BCR: variants seen among roughly 807,000 people sequenced by gnomAD.
BCR encodes BCR activator of RhoGEF and GTPase, also known as breakpoint cluster region protein.
A neutral mutation model predicts 138.6 loss-of-function variants in BCR; 58 were observed. The ratio of observed to expected loss-of-function variants is 0.42; its 90% CI spans 0.34 to 0.52. BCR has a LOEUF of 0.52. Among genes scored for constraint, BCR ranks in the 20% least tolerant of loss-of-function variants. The pLI is 0.06. For synonymous variants in BCR, 786 were observed against 730.1 expected, an observed-to-expected ratio of 1.08 and a Z score of -1.23; for missense variants, 1,599 against 1,727.2, an observed-to-expected ratio of 0.93 and a Z score of 1.32.
rs1170620195 is a variant in BCR at position 23,261,005 on chromosome 22, T to A, written c.1517T>A (p.Ile506Asn). 6.2e-7 allele frequency: 1 copy of A among 1,613,946 alleles called. No individual in the cohort carries two copies. The change falls in exon 3 of 23, where the codon ATC (isoleucine) becomes AAC (asparagine). Residue 506 changes from isoleucine to asparagine, a missense_variant. By Grantham distance (149) the Ile-to-Asn change is moderately radical (BLOSUM62 -3). This residue lies in a region of BCR where 590 missense variants were observed against 762.4 expected (regional missense o/e 0.77). Transcript: ENST00000305877. ...LEMRKWVLSG[I>N]LASEETYLSH... is the part of the protein sequence containing the mutation. ...ATGAGAAAATGGGTCCTGTCGGGAA[T>A]CCTGGCTAGCGAGGAGACTTACCTG...
rs2073509069 is a variant in BCR, at chr22:23,271,523, TC to T, written c.1861-8del. Reference sequence around the variant, plus strand: ...TCATCTGTGTGAACATGCGCTTTTCTCTCTGCAGAACCTGAGAGCCAGAAGC... The same window carrying T: ...TCATCTGTGTGAACATGCGCTTTTCTTCTGCAGAACCTGAGAGCCAGAAGC... On this transcript the variant is annotated splice_region_variant and splice_polypyrimidine_tract_variant and intron_variant, in intron 5 of 22. Coordinates refer to ENST00000305877, the MANE Select transcript of BCR (RefSeq NM_004327.4). 6.2e-7 allele frequency: 1 copy of T among 1,613,860 alleles called. No individual in the cohort carries two copies. Among genetic ancestry groups the T allele is most frequent in the Non-Finnish European group, 8.5e-7 (1 of 1,179,936 alleles).
At chr22:23,223,625 T>A (rs1160993951) in intron 1 of BCR, among the ~76,000 whole-genome samples, 2 of 152,158 alleles carry the variant, frequency 1.3e-5, no homozygotes, top group African/African-American at 4.8e-5. Flanking sequence ...GGAGGAGGGC[T>A]CAGGCAGGCA....
chr22:23,202,721 T>TGTGTG (rs369930434), intron 1 of BCR, among the ~76,000 whole-genome samples: 41 of 142,864 alleles, frequency 2.9e-4, no homozygotes, highest in African/African-American at 9.7e-4. Context: ...ATTCAATTGT[T>TGTGTG]TGTGTGTGTG....
chr22:23,308,487 A>G (rs1236380150), intron 16 of BCR, among the ~76,000 whole-genome samples: 1 of 152,034 alleles, frequency 6.6e-6, no homozygotes, highest in African/African-American at 2.4e-5. Flanking sequence ...TTGTATTTTT[A>G]GTAGGGACAG....
chr22:23,287,022 C>T (rs747021071), intron 10 of BCR, 137 bp from the exon 11 acceptor site: 47 of 1,444,946 alleles, frequency 3.3e-5, no homozygotes, highest in Non-Finnish European at 4.3e-5. Flanking sequence ...GTCTGGGGCC[C>T]TGGTCTGTGC....
At chr22:23,209,506 T>C (rs568524581) in intron 1 of BCR, among the ~76,000 whole-genome samples, 4 of 152,198 alleles carry the variant, frequency 2.6e-5, no homozygotes, top group Non-Finnish European at 4.4e-5. Context: ...AACATGGGTG[T>C]ACAAATTTCG....
At chr22:23,283,887 T>G (rs1038342477) in intron 8 of BCR, 90 bp from the exon 9 acceptor site, 7 of 1,439,108 alleles carry the variant, frequency 4.9e-6, no homozygotes, top group Non-Finnish European at 6.4e-6. Flanking sequence ...TGTCTCTGGG[T>G]CAACCTGCTC....
At position 23,181,492 on chromosome 22, in the gene BCR, G is replaced by A. The variant is rs1451696725; in HGVS notation, c.532G>A (p.Val178Met). ...PGADAEKPFY[V>M]NVEFHHERGL... ...GGCGGACGCCGAGAAGCCCTTCTAC[G>A]TGAACGTCGAGTTTCACCACGAGCG... is the stretch of plus-strand genomic sequence containing the variant. Residue 178 changes from valine to methionine, a missense_variant, in exon 1 of 23, where the codon GTG becomes ATG. Val to Met is a conservative substitution (Grantham distance 21). Coordinates refer to ENST00000305877, the MANE Select transcript of BCR (RefSeq NM_004327.4). 7 of 1,611,916 alleles carry A rather than the reference G, an allele frequency of 4.3e-6. No individual in the cohort carries two copies. The highest frequency in any genetic ancestry group is 3.3e-5 in the Admixed American group (2 of 59,994).
chr22:23,216,569 T>A (rs1194298391), intron 1 of BCR, among the ~76,000 whole-genome samples: 1 of 152,254 alleles, frequency 6.6e-6, no homozygotes, highest in Non-Finnish European at 1.5e-5. Context: ...CAAAGTGTGA[T>A]GATTTGTATC....
intron 1 of BCR, among the ~76,000 whole-genome samples, chr22:23,200,861 A>AGG (rs2072545299): frequency 6.6e-6 from 1 of 152,158 alleles, no homozygotes. Context: ...TGCCTGGCCA[A>AGG]GGGGGCTTTT....
At chr22:23,219,362 C>T (rs1007777084) in intron 1 of BCR, among the ~76,000 whole-genome samples, 5 of 152,186 alleles carry the variant, frequency 3.3e-5, no homozygotes, top group African/African-American at 4.8e-5. Flanking sequence ...AGCCTCCCCC[C>T]GGATCCCAAG....
intron 1 of BCR, among the ~76,000 whole-genome samples, chr22:23,252,117 C>T (rs574457088): frequency 1.3e-5 from 2 of 152,302 alleles, no homozygotes; most frequent in Admixed American, 6.5e-5. Context: ...TGTCCTCCTG[C>T]GGGTACTCAC....
Position 23,253,898 on chromosome 22 carries a change from C to T in BCR, c.1379C>T (p.Pro460Leu), listed in dbSNP as rs761911300. 1.2e-6 allele frequency: 2 copies of T among 1,613,218 alleles called. No individual in the cohort carries two copies. Among genetic ancestry groups the T allele is most frequent in the East Asian group, 2.2e-5 (1 of 44,848 alleles). Residue 460 changes from proline (P) to leucine (L), a missense_variant, in exon 2 of 23, where the codon CCC (proline) becomes CTC (leucine). Around this residue, in one of 4 missense-constraint regions of BCR, gnomAD observed 590 missense variants for 762.4 expected, o/e 0.77. Coordinates refer to ENST00000305877, the MANE Select transcript of BCR (RefSeq NM_004327.4). Reference protein sequence around the residue: ...QDGLPYIDDSPSSSPHLSSKG... With the variant: ...QDGLPYIDDSLSSSPHLSSKG... ...GGGCTGCCCTACATTGATGACTCGC[C>T]CTCCTCATCGCCCCACCTCAGCAGC...
intron 16 of BCR, among the ~76,000 whole-genome samples, chr22:23,302,078 C>T (rs1195026320): frequency 6.6e-6 from 1 of 152,144 alleles, no homozygotes; most frequent in African/African-American, 2.4e-5. Flanking sequence ...TCTAGAGCCC[C>T]CCCACCGCCA....
chr22:23,187,077 G>A (rs936949014), intron 1 of BCR, among the ~76,000 whole-genome samples: 2 of 152,092 alleles, frequency 1.3e-5, no homozygotes, highest in Non-Finnish European at 2.9e-5. Context: ...TTCATTTCTG[G>A]GTGTCCCAGG....
Position 23,182,081 on chromosome 22 carries a change from C to G in BCR, c.1121C>G (p.Ser374Trp), listed in dbSNP as rs376162963. 9.2e-5 allele frequency: 148 copies of G among 1,613,258 alleles called. No homozygotes were observed. Among genetic ancestry groups the G allele is most frequent in the Non-Finnish European group, 1.1e-4 (132 of 1,180,050 alleles). ...RDKSRSPSQNSQQSFDSSSPP... is the reference protein window; with the variant it reads ...RDKSRSPSQNWQQSFDSSSPP... ...AAAAGCCGCTCTCCCTCGCAGAACT[C>G]GCAACAGTCCTTCGACAGCAGCAGT... The change falls in exon 1 of 23, where the codon TCG becomes TGG. Residue 374 changes from serine to tryptophan, a missense_variant. Ser to Trp is a radical substitution (Grantham distance 177). Transcript: ENST00000305877.
chr22:23,198,639 C>T (rs142414472), intron 1 of BCR, among the ~76,000 whole-genome samples: 1 of 152,226 alleles, frequency 6.6e-6, no homozygotes, highest in East Asian at 1.9e-4. Context: ...TGATGCTGGG[C>T]ACCATGCTGG....
chr22:23,211,391 G>T (rs542845376), intron 1 of BCR, among the ~76,000 whole-genome samples: 2 of 151,746 alleles, frequency 1.3e-5, no homozygotes, highest in South Asian at 4.2e-4. Context: ...GTAAAGACAG[G>T]GTTTCACTGT....
At chr22:23,234,373 T>A (rs1399952491) in intron 1 of BCR, among the ~76,000 whole-genome samples, 1 of 152,186 alleles carries the variant, frequency 6.6e-6, no homozygotes, top group Non-Finnish European at 1.5e-5. Context: ...AAGTGTGTTC[T>A]ACAGAACCCA....
Sources: gnomAD v4.1 joint callset for allele counts (sites outside exome capture counted in the v4.1 genomes callset) on GRCh38, gnomAD v4.1.1 for gene constraint, gnomAD v4.1.1 regional missense constraint, MANE v1.5 for transcripts, NCBI Gene and HGNC (gene_info 2026-07-23, HGNC 2026-07-21) for gene names.